The following IGF2BP2 variants were observed in gnomAD, a reference collection of about 807,000 sequenced individuals.
The protein encoded by IGF2BP2 is insulin-like growth factor 2 mRNA-binding protein 2.
In IGF2BP2, 17 loss-of-function variants were observed where a neutral mutation model predicts 75.8. The observed-to-expected ratio is 0.22, with a 90% CI of 0.15 to 0.34. IGF2BP2 has a LOEUF of 0.34. Among genes scored for constraint, IGF2BP2 ranks in the 10% least tolerant of loss-of-function variants. IGF2BP2 has a pLI of 1.00. For synonymous variants in IGF2BP2, 288 were observed against 295.6 expected (o/e 0.97, Z 0.26); for missense variants, 516 against 772.4 (o/e 0.67, Z 3.93).
At chr3:185,696,540 A>G in intron 4 of IGF2BP2, 72 bp downstream of exon 4, 1 of 1,251,376 alleles carries the variant, frequency 8.0e-7, no homozygotes, top group African/African-American at 1.5e-5. Context: ...TTCTCCCTGG[A>G]GTTGACCTAA....
intron 12 of IGF2BP2, among the ~76,000 whole-genome samples, chr3:185,652,451 T>C (rs1173497355): frequency 6.6e-6 from 1 of 152,150 alleles, no homozygotes; most frequent in African/African-American, 2.4e-5. Flanking sequence ...ATGGGCCTCC[T>C]CTCATTGAGC....
chr3:185,713,533 GA>G, intron 2 of IGF2BP2: 1 of 512,624 alleles, frequency 2.0e-6, no homozygotes, highest in South Asian at 1.4e-5. Flanking sequence ...GGGGAGTGGG[GA>G]GTGCTGGTGA....
chr3:185,823,062 T>A, intron 2 of IGF2BP2, 91 bp downstream of exon 2: 1 of 761,262 alleles, frequency 1.3e-6, no homozygotes, highest in Non-Finnish European at 2.1e-6. Flanking sequence ...CTTTAAAAAC[T>A]ACCAAGAGCA....
At chr3:185,696,991 C>T (rs1448139928) in intron 3 of IGF2BP2, among the ~76,000 whole-genome samples, 1 of 152,206 alleles carries the variant, frequency 6.6e-6, no homozygotes, top group African/African-American at 2.4e-5. Flanking sequence ...AAGTACAAGA[C>T]TCACTCCACT....
In IGF2BP2 at chr3:185,648,086, C is replaced by CTTCGTTCT. The variant is rs576447506; in HGVS notation, c.1594-956_1594-949dup. Among the ~76,000 whole-genome samples, 38 of 152,342 alleles carry CTTCGTTCT rather than the reference C, an allele frequency of 2.5e-4. No homozygotes were observed. The South Asian group carries it at 7.5e-3, about 30-fold the overall frequency. Reference sequence around the variant, plus strand: ...CGGGGAATCCTTTGATTCCACACCGCTTCGTTCTTTCGTATAAAGCTGACT... The same window carrying CTTCGTTCT: ...CGGGGAATCCTTTGATTCCACACCGCTTCGTTCTTTCGTTCTTTCGTATAAAGCTGACT... On this transcript the variant is annotated intron_variant, in intron 14 of 15. Transcript: ENST00000382199.
chr3:185,811,830 G>GGCTCTCTCTCTCTCTCTCTCTC (rs1366130204), intron 2 of IGF2BP2, among the ~76,000 whole-genome samples: 1 of 120,694 alleles, frequency 8.3e-6, no homozygotes, highest in Non-Finnish European at 1.8e-5. Flanking sequence ...AGAGTAGGGT[G>GGCTCTCTCTCTCTCTCTCTCTC]TCTCTCTCTC....
intron 2 of IGF2BP2, chr3:185,729,912 T>C (rs902549203): frequency 3.3e-5 from 5 of 152,204 alleles, no homozygotes; most frequent in Non-Finnish European, 5.9e-5. Context: ...TCAGAGAGAT[T>C]TGTAAAAACA....
In IGF2BP2 at chr3:185,746,559, G is replaced by A. The variant is rs945347122; in HGVS notation, c.240-48212C>T. The stretch of plus-strand genomic sequence containing the variant: ...CACGGGTCCAAACTGAATGTCTCTC[G>A]CTTCTGGATCAAAAAAGCCAGCTCT... On this transcript the variant is annotated intron_variant, in intron 2 of 15. Transcript: ENST00000382199. Among the ~76,000 whole-genome samples, 2 of 152,086 alleles carry A rather than the reference G, an allele frequency of 1.3e-5. 1 individual carries two copies. Among genetic ancestry groups the A allele is most frequent in the South Asian group, 4.1e-4 (2 of 4,822 alleles).
At chr3:185,812,345 G>C (rs551709158) in intron 2 of IGF2BP2, among the ~76,000 whole-genome samples, 3 of 152,348 alleles carry the variant, frequency 2.0e-5, no homozygotes, top group African/African-American at 7.2e-5. Context: ...CCAAGAGCCA[G>C]AGCGCAATCA....
At chr3:185,655,597 C>T (rs1374638545) in intron 12 of IGF2BP2, among the ~76,000 whole-genome samples, 6 of 152,232 alleles carry the variant, frequency 3.9e-5, no homozygotes, top group Non-Finnish European at 7.3e-5. Context: ...TCCATTCTGT[C>T]CTCCTGACGC....
chr3:185,736,580 T>C (rs1198637655), intron 2 of IGF2BP2, among the ~76,000 whole-genome samples: 3 of 152,222 alleles, frequency 2.0e-5, no homozygotes, highest in East Asian at 3.9e-4. Context: ...TCCACTGGAA[T>C]AGGCCCACTT....
At chr3:185,672,805 T>C in intron 9 of IGF2BP2, 136 bp from the exon 10 acceptor site, 2 of 923,522 alleles carry the variant, frequency 2.2e-6, no homozygotes, top group Non-Finnish European at 3.3e-6. Flanking sequence ...CTACCCTGTA[T>C]CAGAGGTGGG....
chr3:185,723,028 T>C (rs953865138), intron 2 of IGF2BP2, among the ~76,000 whole-genome samples: 1 of 152,100 alleles, frequency 6.6e-6, no homozygotes, highest in Non-Finnish European at 1.5e-5. Context: ...TAAATAAGAG[T>C]TGAAAACTGT....
At chr3:185,762,199 C>T (rs568694466) in intron 2 of IGF2BP2, among the ~76,000 whole-genome samples, 1 of 151,798 alleles carries the variant, frequency 6.6e-6, no homozygotes, top group Admixed American at 6.6e-5. Context: ...AGCAGCCTGG[C>T]CAACATGGTG....
rs566735626 is a variant in IGF2BP2, at chr3:185,793,258, G to T, written c.239+29895C>A. Among the ~76,000 whole-genome samples, 130 of 152,182 alleles carry T rather than the reference G, an allele frequency of 8.5e-4. 1 individual carries two copies. The highest frequency in any genetic ancestry group is 6.8e-3 in the Middle Eastern group (2 of 294). ...GATAGTTGTTAAATTCAGATCCAAG[G>T]TTTGTCACCTTTCTCGCTGGTGGCC... On this transcript the variant is annotated intron_variant, in intron 2 of 15. Coordinates refer to ENST00000382199, the MANE Select transcript of IGF2BP2 (RefSeq NM_006548.6).
intron 2 of IGF2BP2, among the ~76,000 whole-genome samples, chr3:185,738,316 G>A (rs1466349007): frequency 6.6e-6 from 1 of 152,130 alleles, no homozygotes. Context: ...TGCCTTTAAA[G>A]GGCTCATAAT....
intron 2 of IGF2BP2, among the ~76,000 whole-genome samples, chr3:185,732,467 T>A (rs1728318015): frequency 6.6e-6 from 1 of 152,162 alleles, no homozygotes. Flanking sequence ...CACTAGCAAG[T>A]CTTGATATAG....
chr3:185,780,508 AT>A (rs1399783146), intron 2 of IGF2BP2, among the ~76,000 whole-genome samples: 1 of 152,100 alleles, frequency 6.6e-6, no homozygotes. Context: ...GGCACAGACC[AT>A]TTTTTCTCGC....
intron 7 of IGF2BP2, among the ~76,000 whole-genome samples, chr3:185,679,626 C>A (rs923183423): frequency 1.3e-5 from 2 of 151,660 alleles, no homozygotes; most frequent in African/African-American, 4.8e-5. Context: ...CGTTTTCTTT[C>A]TTTTTTTGAG....
Sources: allele counts gnomAD v4.1 joint callset (sites outside exome capture counted in the v4.1 genomes callset), GRCh38; gene constraint gnomAD v4.1.1; transcripts MANE v1.5; gene names NCBI Gene and HGNC (gene_info 2026-07-23, HGNC 2026-07-21).